Variants in PTPRQ observed in about 807,000 individuals in gnomAD.
PTPRQ encodes protein tyrosine phosphatase receptor type Q.
PTPRQ carries 199 observed loss-of-function variants against 246.0 expected under a neutral mutation model. The observed-to-expected ratio is 0.81, with a 90% CI of 0.72 to 0.91. PTPRQ has a LOEUF of 0.91. Ranked by LOEUF, PTPRQ falls within the 40% of genes least tolerant of loss-of-function variation. PTPRQ has a pLI of 0.00. For synonymous variants in PTPRQ, 869 were observed against 853.2 expected, an observed-to-expected ratio of 1.02 and a Z score of -0.32; for missense variants, 2,624 against 2,528.4, an observed-to-expected ratio of 1.04 and a Z score of -0.81.
At chr12:80,670,103 T>A (rs1253542774) in intron 41 of PTPRQ, among the ~76,000 whole-genome samples, 1 of 152,162 alleles carries the variant, frequency 6.6e-6, no homozygotes. Flanking sequence ...TATATTTGAA[T>A]ATTAATGTCC....
At chr12:80,586,285 A>G (rs903464612) in intron 25 of PTPRQ, among the ~76,000 whole-genome samples, 1 of 151,700 alleles carries the variant, frequency 6.6e-6, no homozygotes, top group African/African-American at 2.4e-5. Flanking sequence ...GCCAAAAGAC[A>G]CATGAAAAAA....
At chr12:80,461,840 A>G (rs1324067740) in intron 6 of PTPRQ, 2 of 150,852 alleles carry the variant, frequency 1.3e-5, no homozygotes, top group Non-Finnish European at 2.9e-5. Flanking sequence ...TTCTTCTTAC[A>G]TACTCCTTAC....
chr12:80,655,545 G>A (rs756022503), intron 38 of PTPRQ, among the ~76,000 whole-genome samples: 1 of 151,640 alleles, frequency 6.6e-6, no homozygotes, highest in Non-Finnish European at 1.5e-5. Context: ...TCTATTCTAT[G>A]GGCAAGTATA....
Position 80,460,907 on chromosome 12 carries a change from G to T in PTPRQ, c.910+5G>T. On this transcript the variant is annotated splice_donor_5th_base_variant and intron_variant, in intron 6 of 44. Coordinates refer to ENST00000644991, the MANE Select transcript of PTPRQ (RefSeq NM_001145026.2). The stretch of plus-strand genomic sequence containing the variant: ...TTGTCAGAACACCAGAATCAGGTAT[G>T]GTTCACTTTTTGTAGATAAAAAGAT... 1 of 400,342 alleles carries T rather than the reference G, an allele frequency of 2.5e-6. No individual in the cohort carries two copies. The highest frequency in any genetic ancestry group is 1.3e-4 in the South Asian group (1 of 7,832). 24.8% of individuals were successfully genotyped at this position (400,342 alleles called of 1,614,324 possible). A position where few individuals can be genotyped will look rare whatever the true frequency, so the allele number is the denominator to read the frequency against.
At chr12:80,626,883 A>C (rs556651311) in intron 33 of PTPRQ, among the ~76,000 whole-genome samples, 1 of 152,204 alleles carries the variant, frequency 6.6e-6, no homozygotes, top group African/African-American at 2.4e-5. Flanking sequence ...ACAGATAAGC[A>C]TGTGTTGCTT....
chr12:80,589,163 T>C (rs1897712187), intron 26 of PTPRQ, among the ~76,000 whole-genome samples: 1 of 152,172 alleles, frequency 6.6e-6, no homozygotes, highest in Admixed American at 6.5e-5. Context: ...GCTTGGAGAA[T>C]ATCATTAACC....
chr12:80,497,252 C>G (rs956205241), intron 14 of PTPRQ, among the ~76,000 whole-genome samples: 1 of 151,798 alleles, frequency 6.6e-6, no homozygotes, highest in African/African-American at 2.4e-5. Context: ...TTTCCTGCAA[C>G]TAGATGGTCC....
At chr12:80,528,507 G>T (rs1375822798) in intron 17 of PTPRQ, among the ~76,000 whole-genome samples, 2 of 152,068 alleles carry the variant, frequency 1.3e-5, no homozygotes, top group Non-Finnish European at 2.9e-5. Context: ...TAATCTTTGA[G>T]CACCCCTGGG....
chr12:80,468,736 G>GT lies in PTPRQ; in HGVS notation c.938dup (p.Thr314AsnfsTer24), dbSNP rs1893526809. ...GCCTGAAGGACCACCACAAAACTGCGTAACAGGCAACATCACAGGAAAGTC... is the reference window on the plus strand; with the variant it reads ...GCCTGAAGGACCACCACAAAACTGCGTTAACAGGCAACATCACAGGAAAGTC... On this transcript the variant is annotated frameshift_variant, in exon 7 of 45. Coordinates refer to ENST00000644991, the MANE Select transcript of PTPRQ (RefSeq NM_001145026.2). LOFTEE classifies it high-confidence loss of function. The GT allele has an allele frequency of 1.9e-6, 3 of 1,547,912 alleles. No individual in the cohort carries two copies. The highest frequency in any genetic ancestry group is 2.6e-6 in the Non-Finnish European group (3 of 1,145,502).
chr12:80,475,613 T>C (rs770431694), intron 8 of PTPRQ, among the ~76,000 whole-genome samples: 6 of 151,996 alleles, frequency 3.9e-5, no homozygotes, highest in Non-Finnish European at 8.8e-5. Context: ...AAAGACAAGA[T>C]ACAATGCTGT....
At chr12:80,655,227 G>T (rs1900393489) in intron 38 of PTPRQ, among the ~76,000 whole-genome samples, 1 of 152,072 alleles carries the variant, frequency 6.6e-6, no homozygotes, top group Admixed American at 6.5e-5. Flanking sequence ...GGTTTCCTGG[G>T]TTACATATCT....
intron 25 of PTPRQ, among the ~76,000 whole-genome samples, chr12:80,568,813 A>G (rs952759929): frequency 1.3e-5 from 2 of 152,250 alleles, no homozygotes; most frequent in African/African-American, 4.8e-5. Context: ...GAACAAAGTG[A>G]TGTCACTGAT....
intron 3 of PTPRQ, among the ~76,000 whole-genome samples, chr12:80,449,443 C>A (rs11503514): frequency 0.094 from 14,236 of 152,178 alleles, 1,399 homozygotes; most frequent in African/African-American, 0.24. Context: ...GATGTGAAGT[C>A]CTTGCCCATG....
In PTPRQ at chr12:80,679,194, A is replaced by G. The variant is rs1418362384; in HGVS notation, c.*171A>G. 2 of 624,580 alleles carry G rather than the reference A, an allele frequency of 3.2e-6. No homozygotes were observed. Among genetic ancestry groups the G allele is most frequent in the East Asian group, 3.2e-5 (1 of 31,624 alleles). The allele number at this position is 624,580 out of a possible 1,614,324, so 38.7% of individuals were successfully genotyped here. On this transcript the variant is annotated 3_prime_UTR_variant, in exon 45 of 45. Coordinates refer to ENST00000644991, the MANE Select transcript of PTPRQ (RefSeq NM_001145026.2). The stretch of plus-strand genomic sequence containing the variant: ...TTAAGACTAGTTCTTGAAAATAGCT[A>G]ATACAGAATAATTATTTGTTTTGTA...
intron 14 of PTPRQ, among the ~76,000 whole-genome samples, chr12:80,498,919 T>C (rs535794087): frequency 2.0e-5 from 3 of 152,232 alleles, no homozygotes; most frequent in African/African-American, 7.2e-5. Context: ...TTATTTTCTG[T>C]TTTATTGTCT....
intron 33 of PTPRQ, among the ~76,000 whole-genome samples, chr12:80,624,892 GA>G (rs1395006939): frequency 1.3e-5 from 2 of 152,006 alleles, no homozygotes; most frequent in African/African-American, 4.8e-5. Flanking sequence ...AATAGCCGAT[GA>G]ACCAAAAAAA....
At chr12:80,574,461 T>C (rs901601507) in intron 25 of PTPRQ, among the ~76,000 whole-genome samples, 3 of 151,146 alleles carry the variant, frequency 2.0e-5, no homozygotes, top group African/African-American at 7.4e-5. Flanking sequence ...TTTCTATATG[T>C]CCTATCTCAT....
chr12:80,468,965 GA>G, intron 7 of PTPRQ, 127 bp downstream of exon 7: 1 of 1,325,336 alleles, frequency 7.5e-7, no homozygotes, highest in East Asian at 2.8e-5. Flanking sequence ...CAAACAATAG[GA>G]AAGTCATAAG....
At chr12:80,483,315 G>C (rs867024541) in intron 8 of PTPRQ, among the ~76,000 whole-genome samples, 3 of 141,660 alleles carry the variant, frequency 2.1e-5, no homozygotes, top group Non-Finnish European at 3.1e-5. Flanking sequence ...TCATAGATGG[G>C]AATTGAACAA....
Sources: allele counts gnomAD v4.1 joint callset (sites outside exome capture counted in the v4.1 genomes callset), GRCh38; gene constraint gnomAD v4.1.1; transcripts MANE v1.5; gene names NCBI Gene and HGNC (gene_info 2026-07-23, HGNC 2026-07-21).